The following WWOX variants were observed in gnomAD, a reference collection of about 807,000 sequenced individuals.
WWOX encodes WW domain-containing oxidoreductase.
In WWOX, 69 loss-of-function variants were observed where a neutral mutation model predicts 46.2. The ratio of observed to expected loss-of-function variants is 1.49; its 90% CI spans 1.23 to 1.82. The LOEUF is 1.82. Among genes scored for constraint, WWOX ranks in the 40% most tolerant of loss-of-function variants. The probability of loss-of-function intolerance (pLI) is 0.00; values close to 1 mark genes in which losing one functional copy is unlikely to be tolerated. For synonymous variants in WWOX, 359 were observed against 202.6 expected (o/e 1.77, Z -6.56); for missense variants, 919 against 542.6 (o/e 1.69, Z -6.89).
chr16:78,960,863 C>T (rs1008902698), intron 8 of WWOX, among the ~76,000 whole-genome samples: 4 of 152,178 alleles, frequency 2.6e-5, no homozygotes, highest in African/African-American at 7.2e-5. Flanking sequence ...TTACTGTATA[C>T]ATACATAGCT....
intron 4 of WWOX, among the ~76,000 whole-genome samples, chr16:78,134,320 A>G (rs1364791278): frequency 6.7e-6 from 1 of 150,230 alleles, no homozygotes; most frequent in Non-Finnish European, 1.5e-5. Flanking sequence ...GCAGTCAACA[A>G]TAGTACAGAC....
chr16:78,454,872 C>T (rs1567583338), intron 8 of WWOX, among the ~76,000 whole-genome samples: 1 of 152,202 alleles, frequency 6.6e-6, no homozygotes, highest in Admixed American at 6.5e-5. Flanking sequence ...TCACCACCCA[C>T]TATTGGTTTC....
At chr16:78,477,134 C>T (rs1487593234) in intron 8 of WWOX, among the ~76,000 whole-genome samples, 7 of 152,128 alleles carry the variant, frequency 4.6e-5, no homozygotes, top group Non-Finnish European at 1.0e-4. Context: ...TTCCATAGCA[C>T]GTCTTACAAT....
chr16:78,904,012 A>G (rs374752119), intron 8 of WWOX, among the ~76,000 whole-genome samples: 2 of 152,126 alleles, frequency 1.3e-5, no homozygotes, highest in East Asian at 3.9e-4. Flanking sequence ...AGCTATAATC[A>G]TATATCATCA....
chr16:78,625,382 C>G (rs949835859), intron 8 of WWOX, among the ~76,000 whole-genome samples: 1 of 152,156 alleles, frequency 6.6e-6, no homozygotes, highest in Non-Finnish European at 1.5e-5. Context: ...AATTCACCCC[C>G]ACACAATCCA....
intron 8 of WWOX, among the ~76,000 whole-genome samples, chr16:78,858,099 A>G (rs1289281468): frequency 6.6e-6 from 1 of 152,016 alleles, no homozygotes; most frequent in Admixed American, 6.6e-5. Context: ...AAAAGGAAAA[A>G]TGAAAGAAAT....
chr16:78,179,596 T>TAAC (rs1009684627), intron 5 of WWOX: 4 of 152,340 alleles, frequency 2.6e-5, no homozygotes, highest in South Asian at 4.1e-4. Context: ...ATAATAATAA[T>TAAC]AACAGTAGTA....
intron 8 of WWOX, among the ~76,000 whole-genome samples, chr16:78,944,137 A>G (rs2045904872): frequency 6.6e-6 from 1 of 152,164 alleles, no homozygotes; most frequent in South Asian, 2.1e-4. Flanking sequence ...GTCTGAGCCT[A>G]TGATAAGATT....
chr16:78,364,065 T>G (rs935027260), intron 5 of WWOX, among the ~76,000 whole-genome samples: 2 of 152,218 alleles, frequency 1.3e-5, no homozygotes, highest in Non-Finnish European at 2.9e-5. Context: ...AGTCTTGTTT[T>G]CAAGGTTGAA....
intron 8 of WWOX, among the ~76,000 whole-genome samples, chr16:79,020,991 A>T (rs528668646): frequency 6.6e-6 from 1 of 152,200 alleles, no homozygotes; most frequent in Admixed American, 6.5e-5. Context: ...AGGTCACCCC[A>T]AGTTATTCAG....
chr16:78,796,391 C>G (rs1281557575), intron 8 of WWOX, among the ~76,000 whole-genome samples: 1 of 152,190 alleles, frequency 6.6e-6, no homozygotes, highest in Non-Finnish European at 1.5e-5. Flanking sequence ...TATTATAGGT[C>G]AAGCCTGGAA....
At chr16:78,703,649 T>G (rs934995737) in intron 8 of WWOX, among the ~76,000 whole-genome samples, 1 of 151,656 alleles carries the variant, frequency 6.6e-6, no homozygotes, top group East Asian at 1.9e-4. Flanking sequence ...GTTTGTTTGG[T>G]TTTTTTTGGA....
chr16:78,192,873 T>A (rs575698507), intron 5 of WWOX, among the ~76,000 whole-genome samples: 2 of 152,368 alleles, frequency 1.3e-5, no homozygotes, highest in South Asian at 2.1e-4. Flanking sequence ...TTAGAAATTT[T>A]CTCAGTCGAT....
At chr16:78,470,840 A>G (rs552802498) in intron 8 of WWOX, among the ~76,000 whole-genome samples, 241 of 152,116 alleles carry the variant, frequency 1.6e-3, no homozygotes, top group African/African-American at 5.5e-3. Flanking sequence ...GCAAGACCCC[A>G]CTGCTATTGT....
At chr16:78,741,059 C>G (rs908880959) in intron 8 of WWOX, among the ~76,000 whole-genome samples, 1 of 152,154 alleles carries the variant, frequency 6.6e-6, no homozygotes, top group African/African-American at 2.4e-5. Context: ...CCTGTCCAGC[C>G]AGCCACTCGT....
intron 8 of WWOX, among the ~76,000 whole-genome samples, chr16:78,530,599 C>A (rs1047518850): frequency 6.6e-6 from 1 of 152,078 alleles, no homozygotes; most frequent in Non-Finnish European, 1.5e-5. Flanking sequence ...CAGGCCGGGC[C>A]ATGGGTGGTT....
intron 8 of WWOX, among the ~76,000 whole-genome samples, chr16:79,175,129 A>G (rs1278076730): frequency 6.6e-6 from 1 of 152,206 alleles, no homozygotes; most frequent in African/African-American, 2.4e-5. Context: ...TACTGGGTCT[A>G]GCTATGACCC....
chr16:79,048,973 T>A (rs976810543), intron 8 of WWOX, among the ~76,000 whole-genome samples: 3 of 152,172 alleles, frequency 2.0e-5, no homozygotes, highest in Non-Finnish European at 4.4e-5. Context: ...TCATGATTCC[T>A]CTATTCCCTG....
chr16:78,120,649 C>G (rs2033049508), intron 4 of WWOX, among the ~76,000 whole-genome samples: 1 of 151,230 alleles, frequency 6.6e-6, no homozygotes, highest in Admixed American at 6.6e-5. Flanking sequence ...AATTGATTGT[C>G]TTAGCTTAGA....
Sources: allele counts gnomAD v4.1 joint callset (sites outside exome capture counted in the v4.1 genomes callset), GRCh38; gene constraint gnomAD v4.1.1; transcripts MANE v1.5; gene names NCBI Gene and HGNC (gene_info 2026-07-23, HGNC 2026-07-21).